IRF1: variants seen among roughly 807,000 people sequenced by gnomAD.
The protein encoded by IRF1 is interferon regulatory factor-1.
Under a neutral mutation model 43.7 loss-of-function variants are expected in IRF1, and 13 were observed. That is an observed-to-expected ratio of 0.30 (90% CI 0.19 to 0.47). The LOEUF is 0.47. Among genes scored for constraint, IRF1 ranks in the 20% least tolerant of loss-of-function variants. IRF1 has a pLI of 0.99. For synonymous variants in IRF1, 138 were observed against 146.8 expected, an observed-to-expected ratio of 0.94 and a Z score of 0.43; for missense variants, 236 against 408.9, an observed-to-expected ratio of 0.58 and a Z score of 3.65.
At position 132,488,152 on chromosome 5, in the gene IRF1, CCT is replaced by C. The variant is rs1754591732; in HGVS notation, c.88-129_88-128del. The C allele has an allele frequency of 4.5e-5, 31 of 691,904 alleles. No individual in the cohort carries two copies. The South Asian group carries it at 5.0e-4, about 11-fold the overall frequency. 42.9% of individuals were successfully genotyped at this position (691,904 alleles called of 1,614,324 possible). On this transcript the variant is annotated intron_variant, in intron 2 of 9. Transcript: ENST00000245414. ...AAAAGGCTGACTTCCCCTTTTTTCC[CCT>C]GACATCTGGCTTGGACACCCATCTT...
intron 3 of IRF1, 120 bp from the exon 4 acceptor site, chr5:132,487,250 T>C: frequency 1.0e-6 from 1 of 976,176 alleles, no homozygotes; most frequent in Non-Finnish European, 1.6e-6. Context: ...AGAGCCACAG[T>C]GGTCAAACCA....
intron 5 of IRF1, 38 bp downstream of exon 5, chr5:132,486,757 A>G: frequency 6.2e-6 from 10 of 1,614,186 alleles, no homozygotes; most frequent in Non-Finnish European, 8.5e-6. Flanking sequence ...CCTGGCCCAC[A>G]GGTGACCAAA....
intron 2 of IRF1, chr5:132,489,159 G>A (rs978582099): frequency 2.0e-4 from 93 of 471,052 alleles, no homozygotes; most frequent in Admixed American, 1.2e-3. Context: ...CTTGCTGCTG[G>A]AAACTGGAAG....
chr5:132,489,305 C>T, intron 2 of IRF1, 87 bp downstream of exon 2: 1 of 1,022,626 alleles, frequency 9.8e-7, no homozygotes, highest in Non-Finnish European at 1.6e-6. Flanking sequence ...TTATCACTTC[C>T]CTTTTTGAGC....
At chr5:132,485,828 G>GAC (rs41498144) in intron 7 of IRF1, 112 bp from the exon 8 acceptor site, 210,390 of 550,990 alleles carry the variant, frequency 0.38, 15,440 homozygotes, top group Admixed American at 0.44. Flanking sequence ...CTGTCTCTCT[G>GAC]ACACACACAC....
rs146224230 is a variant in IRF1, at chr5:132,483,503, AG to A, written c.*447del. Reference sequence around the variant, plus strand: ...AACAGTCCCCAGGGCTCAGCTGAAAAGGGGGTAGTTCTTTGGGAACGAGATT... The same window carrying A: ...AACAGTCCCCAGGGCTCAGCTGAAAAGGGGTAGTTCTTTGGGAACGAGATT... On this transcript the variant is annotated 3_prime_UTR_variant, in exon 10 of 10. Coordinates refer to ENST00000245414, the MANE Select transcript of IRF1 (RefSeq NM_002198.3). 751 of 158,548 alleles carry A rather than the reference AG, an allele frequency of 4.7e-3. No homozygotes were observed. The highest frequency in any genetic ancestry group is 7.2e-3 in the Non-Finnish European group (510 of 71,114). The allele number at this position is 158,548 out of a possible 1,614,324, so 9.8% of individuals were successfully genotyped here. A position where few individuals can be genotyped will look rare whatever the true frequency, so the allele number is the denominator to read the frequency against.
intron 3 of IRF1, 52 bp downstream of exon 3, chr5:132,487,874 C>T: frequency 3.2e-6 from 4 of 1,260,348 alleles, no homozygotes; most frequent in Non-Finnish European, 4.6e-6. Flanking sequence ...AACGTGAGTG[C>T]CTCCTCTTGT....
chr5:132,487,270 C>G, intron 3 of IRF1, 140 bp from the exon 4 acceptor site: 2 of 794,898 alleles, frequency 2.5e-6, no homozygotes, highest in East Asian at 2.5e-5. Context: ...AGCAGGTACT[C>G]CCGGTGACAC....
rs773493072 is a variant in IRF1, at chr5:132,486,667, G to A, written c.434C>T (p.Pro145Leu). ...AKRKSCGDSS[P>L]DTFSDGLSSS... ...GCTGAGTCCATCAGAGAAGGTATCAGGGCTGGAATCCCCACATGACTGTCG... is the reference window on the plus strand; with the variant it reads ...GCTGAGTCCATCAGAGAAGGTATCAAGGCTGGAATCCCCACATGACTGTCG... Residue 145 changes from proline (P) to leucine (L), a missense_variant, in exon 6 of 10, where the codon CCT (proline) becomes CTT (leucine). Transcript: ENST00000245414. The A allele has an allele frequency of 5.7e-5, 92 of 1,613,914 alleles. No homozygotes were observed. Among genetic ancestry groups the A allele is most frequent in the Non-Finnish European group, 7.5e-5 (88 of 1,179,926 alleles).
chr5:132,488,676 TTC>T (rs1754610963), intron 2 of IRF1: 1 of 152,902 alleles, frequency 6.5e-6, no homozygotes, highest in South Asian at 2.0e-4. Context: ...CAGTAAAGAT[TTC>T]TGAGTCAGAC....
chr5:132,487,058 G>A lies in IRF1; in HGVS notation c.260C>T (p.Ser87Phe). ...WKANFRCAMN[S>F]LPDIEEVKDQ... is the part of the protein sequence containing the mutation. Reference sequence around the variant, plus strand: ...TTTCACCTCCTCGATATCTGGCAGGGAGTTCATGGCACAGCGAAAGTTGGC... The same window carrying A: ...TTTCACCTCCTCGATATCTGGCAGGAAGTTCATGGCACAGCGAAAGTTGGC... Residue 87 changes from serine to phenylalanine, a missense_variant, in exon 4 of 10, where the codon TCC becomes TTC. Ser to Phe is a radical substitution (Grantham distance 155). Around this residue, in one of 2 missense-constraint regions of IRF1, gnomAD observed 66 missense variants for 157.1 expected, o/e 0.42. Transcript: ENST00000245414. The A allele has an allele frequency of 6.2e-7, 1 of 1,614,200 alleles. No homozygotes were observed. Among genetic ancestry groups the A allele is most frequent in the Non-Finnish European group, 8.5e-7 (1 of 1,180,026 alleles).
At position 132,482,670 on chromosome 5, in the gene IRF1, T is replaced by G. The variant is rs1580935223; in HGVS notation, c.*1281A>C. ...TGCCCGGCCAAATGAAAGGTTTTTT[T>G]TTTTTTTTTTTTTTTTGGTGCCCGG... On this transcript the variant is annotated 3_prime_UTR_variant, in exon 10 of 10. Coordinates refer to ENST00000245414, the MANE Select transcript of IRF1 (RefSeq NM_002198.3). 1 of 145,882 alleles carries G rather than the reference T, an allele frequency of 6.9e-6. No homozygotes were observed. Among genetic ancestry groups the G allele is most frequent in the Non-Finnish European group, 1.5e-5 (1 of 66,230 alleles). 9.0% of individuals were successfully genotyped at this position (145,882 alleles called of 1,614,324 possible).
rs1480746811 is a variant in IRF1, at chr5:132,490,264, C to T, written c.-6+281G>A. 1 of 151,976 alleles carries T rather than the reference C, an allele frequency of 6.6e-6. No individual in the cohort carries two copies. Among genetic ancestry groups the T allele is most frequent in the Non-Finnish European group, 1.5e-5 (1 of 67,922 alleles). 9.4% of individuals were successfully genotyped at this position (151,976 alleles called of 1,614,324 possible). A position where few individuals can be genotyped will look rare whatever the true frequency, so the allele number is the denominator to read the frequency against. ...GATGCGCGGGACGAACATAGCGGGC[C>T]ACCTACAGGCCCCTGGCGGCTGCGC... is the stretch of plus-strand genomic sequence containing the variant. On this transcript the variant is annotated intron_variant, in intron 1 of 9. Coordinates refer to ENST00000245414, the MANE Select transcript of IRF1 (RefSeq NM_002198.3). The surrounding 1 kb of genome is among the most constrained non-coding windows in gnomAD (Gnocchi z 5.8).
chr5:132,483,689 A>C lies in IRF1; in HGVS notation c.*262T>G. The C allele has an allele frequency of 2.4e-6, 1 of 421,618 alleles. No individual in the cohort carries two copies. The allele number at this position is 421,618 out of a possible 1,614,324, so 26.1% of individuals were successfully genotyped here. A position where few individuals can be genotyped will look rare whatever the true frequency, so the allele number is the denominator to read the frequency against. On this transcript the variant is annotated 3_prime_UTR_variant, in exon 10 of 10. Coordinates refer to ENST00000245414, the MANE Select transcript of IRF1 (RefSeq NM_002198.3). ...AAAAGCCAGACACTGACTCCTGTCC[A>C]AGTCCCTGACCTGATACACTGGTCT...
rs1288810939 is a variant in IRF1 at position 132,486,238 on chromosome 5, C to CA, written c.667+12dup. 1.9e-6 allele frequency: 3 copies of CA among 1,612,582 alleles called. No individual in the cohort carries two copies. The African/African-American group carries it at 4.0e-5, about 22-fold the overall frequency. On this transcript the variant is annotated intron_variant, in intron 7 of 9. Transcript: ENST00000245414. The stretch of plus-strand genomic sequence containing the variant: ...ACAGTCAAGCAGGCAGGCCAGGCCC[C>CA]AGGAGCACCAACCTTCAGAGGTGGA...
rs769884704 is a variant in IRF1 at position 132,487,142 on chromosome 5, G to A, written c.188-12C>T. The A allele has an allele frequency of 1.9e-6, 3 of 1,611,196 alleles. No homozygotes were observed. The highest frequency in any genetic ancestry group is 2.5e-6 in the Non-Finnish European group (3 of 1,177,936). ...TGCTTTGTATCGGCCTAGAGGGCAG[G>A]AGAAAAAAGAGGATCGTCAGGGCCA... On this transcript the variant is annotated splice_polypyrimidine_tract_variant and intron_variant, in intron 3 of 9. Coordinates refer to ENST00000245414, the MANE Select transcript of IRF1 (RefSeq NM_002198.3).
chr5:132,488,223 A>G lies in IRF1; in HGVS notation c.88-198T>C, dbSNP rs1020367505. 12 of 564,906 alleles carry G rather than the reference A, an allele frequency of 2.1e-5. No homozygotes were observed. The African/African-American group carries it at 2.3e-4, about 11-fold the overall frequency. The allele number at this position is 564,906 out of a possible 1,614,324, so 35.0% of individuals were successfully genotyped here. The stretch of plus-strand genomic sequence containing the variant: ...CCACTCTGGATCTCTCAGGAGGGAC[A>G]CCTAGTTTGGATGAGCTGCAGCATT... On this transcript the variant is annotated intron_variant, in intron 2 of 9. Transcript: ENST00000245414.
At chr5:132,488,123 T>A (rs1754590416) in intron 2 of IRF1, 98 bp from the exon 3 acceptor site, 1 of 898,570 alleles carries the variant, frequency 1.1e-6, no homozygotes, top group Non-Finnish European at 1.8e-6. Context: ...CAGACAGGTC[T>A]GAGAAAAGGC....
Position 132,490,330 on chromosome 5 carries a change from G to C in IRF1, c.-6+215C>G, listed in dbSNP as rs1018282854. The C allele has an allele frequency of 2.7e-5, 4 of 150,528 alleles. No individual in the cohort carries two copies. The highest frequency in any genetic ancestry group is 7.3e-5 in the African/African-American group (3 of 41,132). The allele number at this position is 150,528 out of a possible 1,614,324, so 9.3% of individuals were successfully genotyped here. On this transcript the variant is annotated intron_variant, in intron 1 of 9. Coordinates refer to ENST00000245414, the MANE Select transcript of IRF1 (RefSeq NM_002198.3). The surrounding 1 kb of genome is among the most constrained non-coding windows in gnomAD (Gnocchi z 5.8). ...AAAGCTGCCGGGCGCCGGCAGCCTC[G>C]TCCGGGTGGGCGGTCCACGCCGCGT...
Sources: allele counts gnomAD v4.1 joint callset, GRCh38; gene constraint gnomAD v4.1.1; regional missense constraint gnomAD v4.1.1; non-coding constraint Gnocchi (gnomAD v3.1); transcripts MANE v1.5; gene names NCBI Gene and HGNC (gene_info 2026-07-23, HGNC 2026-07-21).